Variants in SNX3 observed in about 807,000 individuals in gnomAD.
SNX3 encodes sorting nexin 3, also known as sorting nexin-3.
Under a neutral mutation model 17.7 loss-of-function variants are expected in SNX3, and 5 were observed. That is an observed-to-expected ratio of 0.28 (90% CI 0.15 to 0.59). The LOEUF (loss-of-function observed/expected upper bound fraction) is 0.59, where lower values mean the gene tolerates loss of function less well. Among genes scored for constraint, SNX3 ranks in the 20% least tolerant of loss-of-function variants. The pLI is 0.88. For synonymous variants in SNX3, 91 were observed against 76.5 expected, an observed-to-expected ratio of 1.19 and a Z score of -0.99; for missense variants, 132 against 206.8, an observed-to-expected ratio of 0.64 and a Z score of 2.22.
intron 1 of SNX3, among the ~76,000 whole-genome samples, chr6:108,236,635 G>A (rs949649525): frequency 2.6e-5 from 4 of 151,610 alleles, no homozygotes; most frequent in Non-Finnish European, 5.9e-5. Context: ...TGATCCGCCC[G>A]CCTCGGCCTC....
rs556430361 is a variant in SNX3 at position 108,211,337 on chromosome 6, T to C, written c.*812A>G. ...CAATACATTTTTTAGTATATCACTT[T>C]TGTTGTTGTTAAAAATACCCCATTC... is the stretch of plus-strand genomic sequence containing the variant. On this transcript the variant is annotated 3_prime_UTR_variant, in exon 4 of 4. Coordinates refer to ENST00000230085, the MANE Select transcript of SNX3 (RefSeq NM_003795.6). The C allele has an allele frequency of 6.6e-6, 1 of 152,234 alleles. No homozygotes were observed. Among genetic ancestry groups the C allele is most frequent in the Non-Finnish European group, 1.5e-5 (1 of 68,040 alleles). The allele number at this position is 152,234 out of a possible 1,614,324, so 9.4% of individuals were successfully genotyped here.
In SNX3 at chr6:108,240,913, C is replaced by T. The variant is rs181650939; in HGVS notation, c.163-17868G>A. ...ATCCTAGCACTTTGGGAGGCTGAGG[C>T]GGGTGGATCACGAGGTCAGGAGTTC... is the stretch of plus-strand genomic sequence containing the variant. On this transcript the variant is annotated intron_variant, in intron 1 of 3. Transcript: ENST00000230085. Among the ~76,000 whole-genome samples, 12 of 151,644 alleles carry T rather than the reference C, an allele frequency of 7.9e-5. No individual in the cohort carries two copies. In the East Asian group the frequency reaches 9.8e-4, roughly 12 times the overall value.
chr6:108,218,406 T>A (rs948288656), intron 2 of SNX3, among the ~76,000 whole-genome samples: 1 of 152,138 alleles, frequency 6.6e-6, no homozygotes, highest in Middle Eastern at 3.2e-3. Flanking sequence ...TGGAGAAAAG[T>A]AGAACCTCAC....
intron 2 of SNX3, among the ~76,000 whole-genome samples, chr6:108,215,266 C>A (rs1033260447): frequency 2.6e-5 from 4 of 150,960 alleles, no homozygotes. Flanking sequence ...AGGAGAATGG[C>A]ATGAACCCGG....
chr6:108,225,325 G>A (rs773938467), intron 1 of SNX3, among the ~76,000 whole-genome samples: 8 of 151,952 alleles, frequency 5.3e-5, no homozygotes, highest in Admixed American at 1.3e-4. Flanking sequence ...TAGGCCTGGC[G>A]TGGTGGCTCA....
intron 1 of SNX3, 147 bp from the exon 2 acceptor site, chr6:108,223,192 G>A: frequency 1.7e-6 from 1 of 586,074 alleles, no homozygotes; most frequent in Non-Finnish European, 3.0e-6. Context: ...AGGCTGGAGT[G>A]CAATGGCACG....
chr6:108,247,035 C>T (rs182706558), intron 1 of SNX3, among the ~76,000 whole-genome samples: 3 of 152,126 alleles, frequency 2.0e-5, no homozygotes, highest in Non-Finnish European at 2.9e-5. Context: ...CGTGTAAACC[C>T]CCAGGTGACC....
rs148633333 is a variant in SNX3 at position 108,222,447 on chromosome 6, G to A, written c.258+503C>T. The A allele has an allele frequency of 1.0e-3, 847 of 833,670 alleles. 9 individuals are homozygous for A. In the African/African-American group the frequency reaches 0.014, roughly 14 times the overall value. 51.6% of individuals were successfully genotyped at this position (833,670 alleles called of 1,614,324 possible). ...TTAAATTGCCGGCAGCAACCCATTA[G>A]TGGATCATGGCCATCATTTAAAAAC... On this transcript the variant is annotated intron_variant, in intron 2 of 3. Coordinates refer to ENST00000230085, the MANE Select transcript of SNX3 (RefSeq NM_003795.6).
chr6:108,220,431 T>C (rs1447488624), intron 2 of SNX3, among the ~76,000 whole-genome samples: 1 of 152,172 alleles, frequency 6.6e-6, no homozygotes, highest in African/African-American at 2.4e-5. Flanking sequence ...GATGCACAAA[T>C]GCTTCCCACT....
At chr6:108,223,494 GTTCTT>G (rs1303321053) in intron 1 of SNX3, among the ~76,000 whole-genome samples, 52 of 99,358 alleles carry the variant, frequency 5.2e-4, no homozygotes, top group African/African-American at 2.4e-3. Flanking sequence ...AACTTTGCTA[GTTCTT>G]TTTTTTTTTT....
In SNX3 at chr6:108,238,545, C is replaced by T. The variant is rs1255882929; in HGVS notation, c.163-15500G>A. 3.3e-5 allele frequency among the ~76,000 whole-genome samples: 5 copies of T among 151,882 alleles called. No individual in the cohort carries two copies. The East Asian group carries it at 7.7e-4, about 24-fold the overall frequency. ...CTAGGGAGCCTGAGGTAGGCGGATC[C>T]TTTGAGCCCAGGAATTTGAGGGCAG... On this transcript the variant is annotated intron_variant, in intron 1 of 3. Transcript: ENST00000230085.
chr6:108,242,488 G>A (rs1775549437), intron 1 of SNX3, among the ~76,000 whole-genome samples: 1 of 152,094 alleles, frequency 6.6e-6, no homozygotes, highest in Non-Finnish European at 1.5e-5. Context: ...CAGAAACAAT[G>A]GAGACAAGGA....
chr6:108,256,265 T>TA (rs1333656441), intron 1 of SNX3, among the ~76,000 whole-genome samples: 2 of 152,150 alleles, frequency 1.3e-5, no homozygotes, highest in Non-Finnish European at 2.9e-5. Flanking sequence ...GTTACTTGGT[T>TA]AAGTACCAAA....
intron 1 of SNX3, among the ~76,000 whole-genome samples, chr6:108,254,352 T>C (rs1775969114): frequency 6.6e-6 from 1 of 151,932 alleles, no homozygotes. Flanking sequence ...TAGCCCCAAT[T>C]ACTCAGGAGG....
chr6:108,225,426 CAGG>C (rs1414954890), intron 1 of SNX3, among the ~76,000 whole-genome samples: 11 of 151,814 alleles, frequency 7.2e-5, no homozygotes, highest in Non-Finnish European at 2.9e-5. Context: ...CCAGCCTGGG[CAGG>C]AGATCAGCCT....
In SNX3 at chr6:108,223,090, ACTTC is replaced by A. The variant is rs1582475019; in HGVS notation, c.163-49_163-46del. ...TCCTAAATTGAAGCACATTAAGGAA[ACTTC>A]AAAAAAATGGGGGGACGGGTATGGC... On this transcript the variant is annotated intron_variant, in intron 1 of 3. Coordinates refer to ENST00000230085, the MANE Select transcript of SNX3 (RefSeq NM_003795.6). The A allele has an allele frequency of 3.8e-6, 4 of 1,055,324 alleles. No individual in the cohort carries two copies. The Admixed American group carries it at 6.4e-5, about 17-fold the overall frequency. The allele number at this position is 1,055,324 out of a possible 1,614,324, so 65.4% of individuals were successfully genotyped here.
At chr6:108,248,950 T>C (rs1490340128) in intron 1 of SNX3, among the ~76,000 whole-genome samples, 1 of 152,144 alleles carries the variant, frequency 6.6e-6, no homozygotes, top group Non-Finnish European at 1.5e-5. Context: ...ACAGAGTTTG[T>C]AGAAAGGACT....
chr6:108,246,313 CTTTTT>C (rs71015538), intron 1 of SNX3, among the ~76,000 whole-genome samples: 17 of 47,978 alleles, frequency 3.5e-4, no homozygotes, highest in African/African-American at 1.5e-3. Flanking sequence ...TTTGAGCATT[CTTTTT>C]TTTTTTTTTT....
At chr6:108,234,005 T>C (rs1373697395) in intron 1 of SNX3, among the ~76,000 whole-genome samples, 1 of 152,064 alleles carries the variant, frequency 6.6e-6, no homozygotes. Flanking sequence ...CTACATATGG[T>C]GCATCAGGCA....
Sources: gnomAD v4.1 joint callset for allele counts (sites outside exome capture counted in the v4.1 genomes callset) on GRCh38, gnomAD v4.1.1 for gene constraint, MANE v1.5 for transcripts, NCBI Gene and HGNC (gene_info 2026-07-23, HGNC 2026-07-21) for gene names.